The following KCNH5 variants were observed in gnomAD, a reference collection of about 807,000 sequenced individuals.
KCNH5 encodes the protein potassium voltage-gated channel subfamily H member 5, also known as voltage-gated delayed rectifier potassium channel KCNH5.
A neutral mutation model predicts 96.1 loss-of-function variants in KCNH5; 46 were observed. The observed-to-expected ratio is 0.48, with a 90% CI of 0.38 to 0.61. The LOEUF (loss-of-function observed/expected upper bound fraction) is 0.61, where lower values mean the gene tolerates loss of function less well. Among genes scored for constraint, KCNH5 ranks in the 20% least tolerant of loss-of-function variants. The probability of loss-of-function intolerance (pLI) is 0.00; values close to 1 mark genes in which losing one functional copy is unlikely to be tolerated. For missense variants in KCNH5, 907 were observed against 1,225.8 expected (o/e 0.74, Z 3.88); for synonymous variants, 439 against 449.8 (o/e 0.98, Z 0.30).
At chr14:62,857,115 A>G (rs1433901412) in intron 7 of KCNH5, among the ~76,000 whole-genome samples, 1 of 152,170 alleles carries the variant, frequency 6.6e-6, no homozygotes, top group East Asian at 1.9e-4. Flanking sequence ...CTTTGTCAAA[A>G]TAGCCCCAAT....
At chr14:62,891,654 T>C (rs1888713778) in intron 7 of KCNH5, among the ~76,000 whole-genome samples, 5 of 152,226 alleles carry the variant, frequency 3.3e-5, no homozygotes, top group Admixed American at 2.0e-4. Flanking sequence ...TACTGTCGTT[T>C]TGCAAATTAA....
intron 7 of KCNH5, among the ~76,000 whole-genome samples, chr14:62,926,895 C>A (rs1889486968): frequency 6.6e-6 from 1 of 152,116 alleles, no homozygotes; most frequent in African/African-American, 2.4e-5. Context: ...ATGAATGATG[C>A]AGAGGACTCA....
At position 62,745,239 on chromosome 14, in the gene KCNH5, G is replaced by A. The variant is rs1022996535; in HGVS notation, c.2019+34489C>T. On this transcript the variant is annotated intron_variant, in intron 10 of 10. Transcript: ENST00000322893. ...CTTGTGTAGATCAGAAGCTCATGAA[G>A]CAGAAAATCTCTGAAAGTCATTAGA... Among the ~76,000 whole-genome samples, 45 of 134,932 alleles carry A rather than the reference G, an allele frequency of 3.3e-4. 1 individual carries two copies. Among genetic ancestry groups the A allele is most frequent in the Non-Finnish European group, 1.7e-4 (10 of 60,260 alleles). 88.5% of individuals were successfully genotyped at this position (134,932 alleles called of 152,430 possible). A position where few individuals can be genotyped will look rare whatever the true frequency, so the allele number is the denominator to read the frequency against.
chr14:62,816,392 C>G (rs1886979511), intron 8 of KCNH5, among the ~76,000 whole-genome samples: 1 of 151,862 alleles, frequency 6.6e-6, no homozygotes, highest in Admixed American at 6.6e-5. Context: ...AATCAGAAAT[C>G]TTTCAAAGAG....
At chr14:62,770,178 G>A (rs571037982) in intron 10 of KCNH5, among the ~76,000 whole-genome samples, 2 of 152,232 alleles carry the variant, frequency 1.3e-5, no homozygotes, top group East Asian at 3.9e-4. Flanking sequence ...TGCTCGTATT[G>A]CTACTGAAAT....
chr14:62,951,555 T>C (rs528904221), intron 6 of KCNH5, among the ~76,000 whole-genome samples: 2 of 152,318 alleles, frequency 1.3e-5, no homozygotes, highest in East Asian at 3.9e-4. Flanking sequence ...GAATCTAATA[T>C]AACTTACTCT....
At chr14:62,985,828 G>A (rs1461874848) in intron 5 of KCNH5, among the ~76,000 whole-genome samples, 2 of 151,990 alleles carry the variant, frequency 1.3e-5, no homozygotes, top group African/African-American at 4.8e-5. Flanking sequence ...TCTCCACTAG[G>A]GCTTCCTATG....
chr14:62,827,949 T>C (rs1349548478), intron 8 of KCNH5, among the ~76,000 whole-genome samples: 1 of 152,174 alleles, frequency 6.6e-6, no homozygotes, highest in Admixed American at 6.5e-5. Flanking sequence ...CCTCTTTTTA[T>C]GTTTTAGTTC....
At chr14:62,996,817 T>G (rs1047289313) in intron 4 of KCNH5, among the ~76,000 whole-genome samples, 1 of 152,194 alleles carries the variant, frequency 6.6e-6, no homozygotes, top group Non-Finnish European at 1.5e-5. Flanking sequence ...ATCTGTGCCA[T>G]GAAATCACTT....
chr14:62,855,452 T>C (rs866809285), intron 7 of KCNH5, among the ~76,000 whole-genome samples: 5 of 152,230 alleles, frequency 3.3e-5, no homozygotes, highest in African/African-American at 9.6e-5. Context: ...TCCTAGCTGA[T>C]ACCACATGAA....
At chr14:62,710,506 A>C (rs1884545287) in intron 10 of KCNH5, among the ~76,000 whole-genome samples, 2 of 152,220 alleles carry the variant, frequency 1.3e-5, no homozygotes, top group Non-Finnish European at 2.9e-5. Context: ...AGACACAGGA[A>C]CGCAGATACT....
At chr14:62,907,940 A>C (rs908094301) in intron 7 of KCNH5, among the ~76,000 whole-genome samples, 10 of 152,206 alleles carry the variant, frequency 6.6e-5, no homozygotes, top group Admixed American at 6.5e-4. Context: ...GTCATCTTCT[A>C]CCACAATGAC....
At chr14:62,888,378 A>G (rs879433497) in intron 7 of KCNH5, among the ~76,000 whole-genome samples, 3 of 152,308 alleles carry the variant, frequency 2.0e-5, no homozygotes, top group South Asian at 4.1e-4. Context: ...AATTCAATAG[A>G]TGAAATTTAA....
intron 9 of KCNH5, among the ~76,000 whole-genome samples, chr14:62,787,527 G>A (rs1435905945): frequency 6.6e-6 from 1 of 152,196 alleles, no homozygotes; most frequent in Non-Finnish European, 1.5e-5. Flanking sequence ...TGATGAAGGT[G>A]ACTAGACTAG....
chr14:62,788,617 G>A (rs1886368277), intron 9 of KCNH5, among the ~76,000 whole-genome samples: 1 of 152,060 alleles, frequency 6.6e-6, no homozygotes, highest in Non-Finnish European at 1.5e-5. Context: ...GTCAATTGAT[G>A]CAGTAAATTT....
intron 6 of KCNH5, among the ~76,000 whole-genome samples, chr14:62,972,620 G>A (rs1282705848): frequency 1.3e-5 from 2 of 151,924 alleles, no homozygotes; most frequent in East Asian, 3.9e-4. Flanking sequence ...TTCTTCAGTA[G>A]GTGAATGAAT....
chr14:62,806,020 G>A lies in KCNH5; in HGVS notation c.1570-3439C>T, dbSNP rs373947310. On this transcript the variant is annotated intron_variant, in intron 8 of 10. Coordinates refer to ENST00000322893, the MANE Select transcript of KCNH5 (RefSeq NM_139318.5). ...AGGAGGTTGGCACAAGATACACCTC[G>A]TAAAGACCTTGCTGATAAAACAGGT... Among the ~76,000 whole-genome samples, 223 of 152,190 alleles carry A rather than the reference G, an allele frequency of 1.5e-3. 1 individual carries two copies. Among genetic ancestry groups the A allele is most frequent in the African/African-American group, 5.0e-3 (208 of 41,536 alleles).
chr14:62,981,298 G>T, intron 5 of KCNH5, 34 bp from the exon 6 acceptor site: 1 of 1,594,290 alleles, frequency 6.3e-7, no homozygotes, highest in South Asian at 1.1e-5. Context: ...TACATGACTA[G>T]GTTATCTCTG....
chr14:62,885,448 T>A lies in KCNH5; in HGVS notation c.1370-35596A>T, dbSNP rs972495606. On this transcript the variant is annotated intron_variant, in intron 7 of 10. Coordinates refer to ENST00000322893, the MANE Select transcript of KCNH5 (RefSeq NM_139318.5). ...TTGAAAATATTCTTACAGGAAAACA[T>A]GTTCTTTATTTACATGATTGGACAA... is the stretch of plus-strand genomic sequence containing the variant. Among the ~76,000 whole-genome samples, 7 of 152,320 alleles carry A rather than the reference T, an allele frequency of 4.6e-5. No homozygotes were observed. In the South Asian group the frequency reaches 1.5e-3, roughly 32 times the overall value.
Sources: allele counts gnomAD v4.1 joint callset (sites outside exome capture counted in the v4.1 genomes callset), GRCh38; gene constraint gnomAD v4.1.1; transcripts MANE v1.5; gene names NCBI Gene and HGNC (gene_info 2026-07-23, HGNC 2026-07-21).